Variants in ADGRV1 observed in about 807,000 individuals in gnomAD.
ADGRV1 encodes the protein G-protein coupled receptor 98.
In ADGRV1, 359 loss-of-function variants were observed where a neutral mutation model predicts 596.2. The ratio of observed to expected loss-of-function variants is 0.60; its 90% CI spans 0.55 to 0.66. ADGRV1 has a LOEUF of 0.66. Ranked by LOEUF, ADGRV1 falls within the 30% of genes least tolerant of loss-of-function variation. ADGRV1 has a pLI of 0.00. For synonymous variants in ADGRV1, 2,681 were observed against 2,679.2 expected (o/e 1.00, Z -0.02); for missense variants, 7,274 against 7,575.6 (o/e 0.96, Z 1.48).
chr5:90,659,019 T>C (rs1184974953), intron 21 of ADGRV1, among the ~76,000 whole-genome samples: 1 of 152,192 alleles, frequency 6.6e-6, no homozygotes, highest in African/African-American at 2.4e-5. Context: ...TTTTTAAAAA[T>C]GGATGAGTAG....
At chr5:90,638,623 A>G (rs1023812803) in intron 11 of ADGRV1, among the ~76,000 whole-genome samples, 2 of 152,056 alleles carry the variant, frequency 1.3e-5, no homozygotes, top group African/African-American at 4.8e-5. Context: ...AAAAATCAGA[A>G]TCAGTCTTAT....
chr5:90,782,423 T>C (rs1192241022), intron 65 of ADGRV1, among the ~76,000 whole-genome samples: 1 of 152,144 alleles, frequency 6.6e-6, no homozygotes, highest in East Asian at 1.9e-4. Flanking sequence ...TCTGTTAGAT[T>C]CATTATCTTT....
intron 1 of ADGRV1, among the ~76,000 whole-genome samples, chr5:90,566,405 A>G (rs531994530): frequency 6.6e-5 from 10 of 152,234 alleles, no homozygotes; most frequent in African/African-American, 2.4e-4. Context: ...TGCTGAATAA[A>G]TCATTCTTTT....
At chr5:90,941,061 G>A (rs1165077628) in intron 83 of ADGRV1, among the ~76,000 whole-genome samples, 3 of 151,286 alleles carry the variant, frequency 2.0e-5, no homozygotes, top group Admixed American at 2.0e-4. Flanking sequence ...CCTTAGTTTT[G>A]GACATTTCCT....
intron 87 of ADGRV1, among the ~76,000 whole-genome samples, chr5:91,138,397 T>C (rs543731104): frequency 6.6e-6 from 1 of 152,302 alleles, no homozygotes; most frequent in South Asian, 2.1e-4. Flanking sequence ...ACGAACTTGG[T>C]TTCCTTTTCA....
chr5:90,777,326 A>G (rs947825989), intron 61 of ADGRV1, among the ~76,000 whole-genome samples: 2 of 152,194 alleles, frequency 1.3e-5, no homozygotes, highest in African/African-American at 2.4e-5. Context: ...ACTTGAGGTC[A>G]CACTTCAACA....
intron 16 of ADGRV1, among the ~76,000 whole-genome samples, chr5:90,646,582 C>G (rs1767799793): frequency 6.6e-6 from 1 of 152,014 alleles, no homozygotes; most frequent in Admixed American, 6.5e-5. Flanking sequence ...CGTTTTGCCA[C>G]TTTAACGCTT....
At chr5:90,834,352 CTTTG>C (rs1764776306) in intron 77 of ADGRV1, among the ~76,000 whole-genome samples, 1 of 152,100 alleles carries the variant, frequency 6.6e-6, no homozygotes, top group Non-Finnish European at 1.5e-5. Context: ...AATCTCTCAG[CTTTG>C]TTTGTCTGGG....
intron 84 of ADGRV1, among the ~76,000 whole-genome samples, chr5:90,969,507 C>A (rs1012891655): frequency 1.6e-4 from 25 of 152,286 alleles, no homozygotes; most frequent in African/African-American, 4.8e-4. Flanking sequence ...ATAACAGGCT[C>A]CATAAATAGC....
intron 79 of ADGRV1, among the ~76,000 whole-genome samples, chr5:90,850,175 C>G (rs1581317258): frequency 6.6e-6 from 1 of 152,320 alleles, no homozygotes; most frequent in East Asian, 1.9e-4. Flanking sequence ...TCTGCCCCCT[C>G]CAGCCCATGG....
chr5:90,890,570 A>G (rs528558991), intron 83 of ADGRV1, among the ~76,000 whole-genome samples: 13 of 152,312 alleles, frequency 8.5e-5, no homozygotes, highest in African/African-American at 3.1e-4. Flanking sequence ...GAGTAAAAAC[A>G]CATGAAAGAC....
At chr5:90,706,096 TAGGAAGGGGTG>T (rs1748554933) in intron 37 of ADGRV1, 124 bp from the exon 38 acceptor site, 1 of 644,706 alleles carries the variant, frequency 1.6e-6, no homozygotes, top group Admixed American at 3.2e-5. Context: ...ATTATGGATA[TAGGAAGGGGTG>T]AGGAATTGGG....
At chr5:90,802,907 C>T (rs1028261291) in intron 71 of ADGRV1, 25 bp downstream of exon 71, 1 of 1,582,596 alleles carries the variant, frequency 6.3e-7, no homozygotes, top group East Asian at 2.3e-5. Flanking sequence ...GTGTGGTTCT[C>T]TCAGCAGAAC....
chr5:91,146,423 G>A (rs551876874), intron 87 of ADGRV1, among the ~76,000 whole-genome samples: 22 of 152,324 alleles, frequency 1.4e-4, no homozygotes, highest in African/African-American at 5.3e-4. Context: ...ATTGTCAAGA[G>A]TTTGACTGGG....
chr5:91,093,848 TAA>T (rs1562209537), intron 86 of ADGRV1, among the ~76,000 whole-genome samples: 3 of 144,666 alleles, frequency 2.1e-5, no homozygotes, highest in African/African-American at 8.4e-5. Flanking sequence ...TATACATACG[TAA>T]GTTTTTTTTT....
At chr5:90,651,562 A>T in intron 17 of ADGRV1, 42 bp from the exon 18 acceptor site, 1 of 1,387,696 alleles carries the variant, frequency 7.2e-7, no homozygotes, top group Non-Finnish European at 9.8e-7. Context: ...ACAGCAAGTT[A>T]GCTACTTCTT....
rs1311992411 is a variant in ADGRV1 at position 90,811,246 on chromosome 5, A to G, written c.15986A>G (p.Tyr5329Cys). The G allele has an allele frequency of 1.2e-6, 2 of 1,612,706 alleles. No homozygotes were observed. Among genetic ancestry groups the G allele is most frequent in the Admixed American group, 1.7e-5 (1 of 59,820 alleles). ...GAGCCTGAGGGGCAGGAATTCTTCT[A>G]CGTGTTTCTCACAAACCCTCAAGGG... Reference protein sequence around the residue: ...DDEPEGQEFFYVFLTNPQGGA... With the variant: ...DDEPEGQEFFCVFLTNPQGGA... The change falls in exon 74 of 90, where the codon TAC becomes TGC. Residue 5329 changes from tyrosine (Y) to cysteine (C), a missense_variant. Physicochemically the swap from Tyr to Cys is radical, Grantham distance 194. Transcript: ENST00000405460.
At chr5:90,778,158 G>A in intron 62 of ADGRV1, 115 bp downstream of exon 62, 1 of 1,194,354 alleles carries the variant, frequency 8.4e-7, no homozygotes, top group Non-Finnish European at 1.2e-6. Flanking sequence ...TAGAAGTGGG[G>A]GATGGGGAGG....
At position 90,765,494 on chromosome 5, in the gene ADGRV1, AT is replaced by A. The variant is rs571567233; in HGVS notation, c.12285+2033del. On this transcript the variant is annotated intron_variant, in intron 59 of 89. Transcript: ENST00000405460. ...ACAAACTCTAGATATCTGAAATCAA[AT>A]TTTTTTTGAAGTTTTTATTGCTACA... 8.2e-3 allele frequency among the ~76,000 whole-genome samples: 1,236 copies of A among 151,260 alleles called. 18 individuals are homozygous for A. Among genetic ancestry groups the A allele is most frequent in the African/African-American group, 0.026 (1,079 of 41,158 alleles).
Sources: allele counts gnomAD v4.1 joint callset (sites outside exome capture counted in the v4.1 genomes callset), GRCh38; gene constraint gnomAD v4.1.1; transcripts MANE v1.5; gene names NCBI Gene and HGNC (gene_info 2026-07-23, HGNC 2026-07-21).